Variants in EHBP1 observed in about 807,000 individuals in gnomAD.
EHBP1 encodes the protein EH domain-binding protein 1.
Under a neutral mutation model 144.0 loss-of-function variants are expected in EHBP1, and 55 were observed. That is an observed-to-expected ratio of 0.38 (90% CI 0.31 to 0.48). The LOEUF (loss-of-function observed/expected upper bound fraction) is 0.48. Among genes scored for constraint, EHBP1 ranks in the 20% least tolerant of loss-of-function variants. The probability of loss-of-function intolerance (pLI) is 0.98; values close to 1 mark genes in which losing one functional copy is unlikely to be tolerated. For synonymous variants in EHBP1, 469 were observed against 472.7 expected (o/e 0.99, Z 0.10); for missense variants, 1,200 against 1,364.2 (o/e 0.88, Z 1.90).
At position 62,943,984 on chromosome 2, in the gene EHBP1, G is replaced by A; in HGVS notation, c.1413+134G>A. ...CACAGAGGGTTGTCTGCTTACTGCG[G>A]TTCATTAGGATACATGGTTTACTCT... On this transcript the variant is annotated intron_variant, in intron 12 of 22. Coordinates refer to ENST00000431489, the MANE Select transcript of EHBP1 (RefSeq NM_001142616.3). The A allele has an allele frequency of 5.4e-6, 3 of 560,390 alleles. No individual in the cohort carries two copies. The East Asian group carries it at 9.4e-5, about 18-fold the overall frequency. The allele number at this position is 560,390 out of a possible 1,614,324, so 34.7% of individuals were successfully genotyped here.
chr2:63,019,935 T>C (rs1456808700), intron 19 of EHBP1, among the ~76,000 whole-genome samples: 1 of 150,470 alleles, frequency 6.6e-6, no homozygotes, highest in East Asian at 2.0e-4. Flanking sequence ...ATGCCTGTAA[T>C]TCTAGCACTT....
At chr2:62,739,184 C>A (rs1276539974) in intron 2 of EHBP1, among the ~76,000 whole-genome samples, 1 of 152,132 alleles carries the variant, frequency 6.6e-6, no homozygotes, top group Non-Finnish European at 1.5e-5. Flanking sequence ...TCATGTGATT[C>A]TTTTATCTAT....
At chr2:62,789,909 C>T (rs2043061313) in intron 5 of EHBP1, among the ~76,000 whole-genome samples, 1 of 152,188 alleles carries the variant, frequency 6.6e-6, no homozygotes. Flanking sequence ...ATGCCAGTTA[C>T]CTAAAACTTA....
At chr2:62,846,833 A>G (rs1573683674) in intron 7 of EHBP1, among the ~76,000 whole-genome samples, 1 of 152,328 alleles carries the variant, frequency 6.6e-6, no homozygotes, top group Non-Finnish European at 1.5e-5. Context: ...ATTAAAGAAG[A>G]CCTTAATAAA....
chr2:62,988,004 A>G, intron 15 of EHBP1: 1 of 1,607,734 alleles, frequency 6.2e-7, no homozygotes, highest in Non-Finnish European at 8.5e-7. Context: ...GTGGAGATGA[A>G]CTTACTAACT....
At chr2:62,826,046 T>G in intron 5 of EHBP1, 41 bp from the exon 6 acceptor site, 2 of 1,388,938 alleles carry the variant, frequency 1.4e-6, no homozygotes, top group South Asian at 1.8e-5. Context: ...GGCTATAAAA[T>G]AACTCAAAAT....
intron 1 of EHBP1, among the ~76,000 whole-genome samples, chr2:62,687,601 A>G (rs907255160): frequency 1.3e-5 from 2 of 152,216 alleles, no homozygotes; most frequent in African/African-American, 4.8e-5. Context: ...ATACAAATGC[A>G]TTGTGATTTG....
chr2:62,855,973 C>A (rs1261159933), intron 7 of EHBP1, among the ~76,000 whole-genome samples: 1 of 152,162 alleles, frequency 6.6e-6, no homozygotes, highest in Non-Finnish European at 1.5e-5. Flanking sequence ...GCTTCCCACT[C>A]CAGGGTCTCC....
At chr2:62,715,874 C>G (rs2035623166) in intron 2 of EHBP1, among the ~76,000 whole-genome samples, 1 of 152,160 alleles carries the variant, frequency 6.6e-6, no homozygotes, top group African/African-American at 2.4e-5. Context: ...GCTACTGTAT[C>G]TTTGGATGTC....
chr2:62,893,212 C>A (rs2052601225), intron 10 of EHBP1, among the ~76,000 whole-genome samples: 1 of 152,158 alleles, frequency 6.6e-6, no homozygotes, highest in Non-Finnish European at 1.5e-5. Context: ...AGTATACATA[C>A]ACATATTATA....
At chr2:62,848,384 T>G (rs1449855940) in intron 7 of EHBP1, among the ~76,000 whole-genome samples, 1 of 152,070 alleles carries the variant, frequency 6.6e-6, no homozygotes, top group African/African-American at 2.4e-5. Flanking sequence ...TGCCCGGCAC[T>G]TAGCAAGTTT....
chr2:62,840,884 T>C (rs1251205789), intron 7 of EHBP1, among the ~76,000 whole-genome samples: 3 of 152,132 alleles, frequency 2.0e-5, no homozygotes, highest in East Asian at 1.9e-4. Context: ...ACTTTTACAC[T>C]GTTGGTGGGA....
rs377628320 is a variant in EHBP1 at position 62,918,218 on chromosome 2, C to G, written c.1186-24500C>G. ...GGCCTATTGTGTTTTTTTTCACTGC[C>G]TATATCATAATCATTAAACCTGGAA... On this transcript the variant is annotated intron_variant, in intron 10 of 22. Transcript: ENST00000431489. Among the ~76,000 whole-genome samples, 27 of 152,116 alleles carry G rather than the reference C, an allele frequency of 1.8e-4. 1 individual carries two copies. Among genetic ancestry groups the G allele is most frequent in the African/African-American group, 6.0e-4 (25 of 41,522 alleles).
At chr2:62,951,277 T>G (rs1036694123) in intron 13 of EHBP1, among the ~76,000 whole-genome samples, 1 of 152,168 alleles carries the variant, frequency 6.6e-6, no homozygotes, top group African/African-American at 2.4e-5. Context: ...CTGCCATTTA[T>G]AAGTTTTCAG....
intron 10 of EHBP1, among the ~76,000 whole-genome samples, chr2:62,901,118 T>A (rs1421451741): frequency 6.6e-6 from 1 of 152,184 alleles, no homozygotes; most frequent in Non-Finnish European, 1.5e-5. Context: ...TGAGCTTGGT[T>A]CATCTTAAGT....
rs536529352 is a variant in EHBP1, at chr2:63,036,457, T to C, written c.3104-1078T>C. Among the ~76,000 whole-genome samples, 28 of 152,002 alleles carry C rather than the reference T, an allele frequency of 1.8e-4. 1 individual carries two copies. Among genetic ancestry groups the C allele is most frequent in the African/African-American group, 6.3e-4 (26 of 41,536 alleles). On this transcript the variant is annotated intron_variant, in intron 19 of 22. Coordinates refer to ENST00000431489, the MANE Select transcript of EHBP1 (RefSeq NM_001142616.3). ...GGTGGAAGAGGGCTATCCTTGACAT[T>C]TTACGTGAAAAGAAAATCAAACTTA... is the stretch of plus-strand genomic sequence containing the variant.
chr2:62,945,462 A>G (rs2057006486), intron 12 of EHBP1, among the ~76,000 whole-genome samples: 1 of 152,234 alleles, frequency 6.6e-6, no homozygotes, highest in Non-Finnish European at 1.5e-5. Context: ...TAGAAGTTCA[A>G]TTAACAAGTC....
chr2:62,731,535 G>A (rs2037601794), intron 2 of EHBP1, among the ~76,000 whole-genome samples: 1 of 152,038 alleles, frequency 6.6e-6, no homozygotes, highest in Non-Finnish European at 1.5e-5. Context: ...TTATCCTTAG[G>A]TTTTTTGGTA....
intron 3 of EHBP1, among the ~76,000 whole-genome samples, chr2:62,762,084 T>A (rs1573201704): frequency 6.6e-6 from 1 of 152,172 alleles, no homozygotes; most frequent in Non-Finnish European, 1.5e-5. Context: ...ATTCCAGGCA[T>A]CAGCCACTGT....
Sources: gnomAD v4.1 joint callset for allele counts (sites outside exome capture counted in the v4.1 genomes callset) on GRCh38, gnomAD v4.1.1 for gene constraint, MANE v1.5 for transcripts, NCBI Gene and HGNC (gene_info 2026-07-23, HGNC 2026-07-21) for gene names.